Variants in TYW1B observed in about 807,000 individuals in gnomAD.
TYW1B encodes the protein S-adenosyl-L-methionine-dependent tRNA 4-demethylwyosine synthase TYW1B.
Under a neutral mutation model 86.9 loss-of-function variants are expected in TYW1B, and 73 were observed. That is an observed-to-expected ratio of 0.84 (90% CI 0.70 to 1.02). TYW1B has a LOEUF of 1.02. TYW1B is among the 50% of genes least tolerant of loss of function. TYW1B has a pLI of 0.00. For synonymous variants in TYW1B, 248 were observed against 292.8 expected (o/e 0.85, Z 1.56); for missense variants, 637 against 827.4 (o/e 0.77, Z 2.82).
At chr7:72,766,497 C>A (rs1554468400) in intron 7 of TYW1B, among the ~76,000 whole-genome samples, 1 of 150,630 alleles carries the variant, frequency 6.6e-6, no homozygotes, top group East Asian at 2.0e-4. Context: ...GCCTGTAATC[C>A]CAGCTACTCC....
intron 13 of TYW1B, among the ~76,000 whole-genome samples, chr7:72,594,318 T>A: frequency 6.7e-6 from 1 of 148,914 alleles, no homozygotes; most frequent in African/African-American, 2.5e-5. Flanking sequence ...AAATCAGAAA[T>A]GATTTTGCTA....
intron 11 of TYW1B, among the ~76,000 whole-genome samples, chr7:72,678,642 T>TTG (rs1416503457): frequency 2.7e-5 from 4 of 149,690 alleles, no homozygotes; most frequent in African/African-American, 9.8e-5. Context: ...TTTTTTTTTT[T>TTG]GAGATGGAAA....
intron 7 of TYW1B, among the ~76,000 whole-genome samples, chr7:72,755,444 G>A (rs1315146830): frequency 2.0e-5 from 3 of 152,160 alleles, no homozygotes; most frequent in Non-Finnish European, 2.9e-5. Context: ...GGGAGGCAAA[G>A]GTGGGCAGAT....
At chr7:72,610,102 A>C (rs2129568272) in intron 13 of TYW1B, among the ~76,000 whole-genome samples, 1 of 152,328 alleles carries the variant, frequency 6.6e-6, no homozygotes, top group African/African-American at 2.4e-5. Context: ...ATGATGTCAT[A>C]ACAAATAGAA....
intron 8 of TYW1B, among the ~76,000 whole-genome samples, chr7:72,735,274 A>G (rs1388728898): frequency 6.6e-6 from 1 of 152,176 alleles, no homozygotes; most frequent in Non-Finnish European, 1.5e-5. Flanking sequence ...ATTTAGCCCT[A>G]TAAAAAAGAA....
At chr7:72,678,344 T>C (rs1272766407) in intron 11 of TYW1B, among the ~76,000 whole-genome samples, 2 of 152,138 alleles carry the variant, frequency 1.3e-5, no homozygotes. Flanking sequence ...AAGGTGATAT[T>C]TGAGTGGAGT....
intron 9 of TYW1B, among the ~76,000 whole-genome samples, chr7:72,728,463 T>A (rs1283885887): frequency 9.9e-5 from 15 of 152,060 alleles, no homozygotes; most frequent in African/African-American, 3.6e-4. Flanking sequence ...ACCACCATCA[T>A]GCCCAGTTAA....
At chr7:72,817,588 G>A (rs1788747861) in intron 2 of TYW1B, among the ~76,000 whole-genome samples, 1 of 152,050 alleles carries the variant, frequency 6.6e-6, no homozygotes, top group South Asian at 2.1e-4. Flanking sequence ...GAGTGGCTTT[G>A]TTACCAGTGG....
At chr7:72,747,093 A>C (rs1347664827) in intron 7 of TYW1B, among the ~76,000 whole-genome samples, 12 of 152,106 alleles carry the variant, frequency 7.9e-5, no homozygotes, top group Admixed American at 2.6e-4. Flanking sequence ...GAAAATTTCA[A>C]CATGGAACTT....
At chr7:72,797,543 C>A (rs1554474664) in intron 6 of TYW1B, among the ~76,000 whole-genome samples, 1 of 152,036 alleles carries the variant, frequency 6.6e-6, no homozygotes, top group Non-Finnish European at 1.5e-5. Context: ...ATGGTGAGAC[C>A]TTGTCTCTAG....
intron 11 of TYW1B, among the ~76,000 whole-genome samples, chr7:72,656,868 C>T (rs190112771): frequency 8.5e-5 from 13 of 152,218 alleles, no homozygotes; most frequent in African/African-American, 2.9e-4. Context: ...AGAACTCACT[C>T]GCTATCACAA....
chr7:72,793,494 C>T (rs1788254987), intron 6 of TYW1B, among the ~76,000 whole-genome samples: 1 of 152,074 alleles, frequency 6.6e-6, no homozygotes, highest in South Asian at 2.1e-4. Context: ...CGCCTGTAAT[C>T]CCAGCACTTT....
intron 8 of TYW1B, among the ~76,000 whole-genome samples, chr7:72,737,179 A>G (rs1787211187): frequency 6.6e-6 from 1 of 152,234 alleles, no homozygotes; most frequent in African/African-American, 2.4e-5. Context: ...CAAGAAAAGG[A>G]CAATAACAAA....
At chr7:72,750,346 T>G (rs1418034989) in intron 7 of TYW1B, among the ~76,000 whole-genome samples, 1 of 152,210 alleles carries the variant, frequency 6.6e-6, no homozygotes, top group African/African-American at 2.4e-5. Flanking sequence ...AAACTCAAAG[T>G]TCGTCGTTCT....
chr7:72,753,480 AT>A (rs11359200), intron 7 of TYW1B, among the ~76,000 whole-genome samples: 2,087 of 138,556 alleles, frequency 0.015, 15 homozygotes, highest in East Asian at 0.04. Context: ...ATCATTAGCA[AT>A]TTTTTTTTTT....
intron 13 of TYW1B, among the ~76,000 whole-genome samples, chr7:72,593,730 G>C (rs1226935524): frequency 6.7e-6 from 1 of 149,324 alleles, no homozygotes; most frequent in Non-Finnish European, 1.5e-5. Flanking sequence ...GCTGAGGCAG[G>C]AGAATGGCGT....
At chr7:72,635,106 TATC>T (rs1554440565) in intron 11 of TYW1B, among the ~76,000 whole-genome samples, 1 of 152,172 alleles carries the variant, frequency 6.6e-6, no homozygotes, top group Non-Finnish European at 1.5e-5. Context: ...TCTAAAGTTT[TATC>T]ATATTGCCAC....
At position 72,621,820 on chromosome 7, in the gene TYW1B, T is replaced by C. The variant is rs1812224506; in HGVS notation, c.1618-4981A>G. 3.3e-5 allele frequency among the ~76,000 whole-genome samples: 5 copies of C among 152,374 alleles called. No individual in the cohort carries two copies. In the South Asian group the frequency reaches 8.3e-4, roughly 25 times the overall value. On this transcript the variant is annotated intron_variant, in intron 12 of 13. Coordinates refer to ENST00000620995, the MANE Select transcript of TYW1B (RefSeq NM_001145440.3). ...TCATTCACATGACTCAGGAGTTTTC[T>C]ACTCTGTAACAGGTATGAACCAGCT...
rs539519046 is a variant in TYW1B, at chr7:72,723,989, G to T, written c.1192+4833C>A. On this transcript the variant is annotated intron_variant, in intron 9 of 13. Transcript: ENST00000620995. ...TGCACTTTACCCTTTACTAATTAGGGTTTTTTTTTCTTTTCTATTATCATA... is the reference window on the plus strand; with the variant it reads ...TGCACTTTACCCTTTACTAATTAGGTTTTTTTTTTCTTTTCTATTATCATA... Among the ~76,000 whole-genome samples, 5 of 143,160 alleles carry T rather than the reference G, an allele frequency of 3.5e-5. No homozygotes were observed. In the East Asian group the frequency reaches 6.0e-4, roughly 17 times the overall value. The allele number at this position is 143,160 out of a possible 152,430, so 93.9% of individuals were successfully genotyped here. A position where few individuals can be genotyped will look rare whatever the true frequency, so the allele number is the denominator to read the frequency against.
Sources: gnomAD v4.1 joint callset for allele counts (sites outside exome capture counted in the v4.1 genomes callset) on GRCh38, gnomAD v4.1.1 for gene constraint, MANE v1.5 for transcripts, NCBI Gene and HGNC (gene_info 2026-07-23, HGNC 2026-07-21) for gene names.